PCBP3: variants seen among roughly 807,000 people sequenced by gnomAD.
PCBP3 encodes the protein poly(rC)-binding protein 3.
PCBP3 carries 25 observed loss-of-function variants against 52.7 expected under a neutral mutation model. The observed-to-expected ratio is 0.47, with a 90% confidence interval of 0.35 to 0.66. The LOEUF (loss-of-function observed/expected upper bound fraction) is 0.66. Ranked by LOEUF, PCBP3 falls within the 30% of genes least tolerant of loss-of-function variation. PCBP3 has a pLI of 0.01. For missense variants in PCBP3, 391 were observed against 490.3 expected (o/e 0.80, Z 1.91); for synonymous variants, 162 against 183.0 (o/e 0.89, Z 0.93).
At chr21:45,750,072 T>G (rs2087285135) in intron 3 of PCBP3, 1 of 152,320 alleles carries the variant, frequency 6.6e-6, no homozygotes, top group African/African-American at 2.4e-5. Context: ...TCGGGCACTC[T>G]TGGCTGGCGC....
chr21:45,807,585 A>G (rs550531416), intron 4 of PCBP3, among the ~76,000 whole-genome samples: 2 of 152,300 alleles, frequency 1.3e-5, no homozygotes, highest in South Asian at 4.1e-4. Flanking sequence ...GGAAGAATCA[A>G]TATCATGAAA....
chr21:45,730,221 T>C (rs2085352716), intron 2 of PCBP3, among the ~76,000 whole-genome samples: 1 of 152,012 alleles, frequency 6.6e-6, no homozygotes, highest in African/African-American at 2.4e-5. Flanking sequence ...TGATATGTAG[T>C]GTTTTCATTT....
intron 2 of PCBP3, among the ~76,000 whole-genome samples, chr21:45,685,085 C>T (rs892225626): frequency 8.3e-4 from 127 of 152,116 alleles, no homozygotes; most frequent in Non-Finnish European, 2.9e-4. Flanking sequence ...ACATTAGATG[C>T]AAAGACCAAA....
chr21:45,922,588 C>A (rs749847791), intron 13 of PCBP3, among the ~76,000 whole-genome samples: 3 of 152,204 alleles, frequency 2.0e-5, no homozygotes, highest in Non-Finnish European at 4.4e-5. Context: ...ATATACAAAT[C>A]TTTATTTCTA....
At chr21:45,757,458 T>G (rs1193054049) in intron 4 of PCBP3, among the ~76,000 whole-genome samples, 4 of 152,248 alleles carry the variant, frequency 2.6e-5, no homozygotes, top group Non-Finnish European at 5.9e-5. Context: ...CTATCAGTTT[T>G]CTTTCATTTA....
intron 4 of PCBP3, among the ~76,000 whole-genome samples, chr21:45,779,845 C>T (rs1419749995): frequency 6.6e-6 from 1 of 152,156 alleles, no homozygotes; most frequent in African/African-American, 2.4e-5. Context: ...AGACATTTGA[C>T]TATAACAGTA....
chr21:45,841,592 G>A (rs1226540781), intron 4 of PCBP3, among the ~76,000 whole-genome samples: 2 of 152,144 alleles, frequency 1.3e-5, no homozygotes, highest in Non-Finnish European at 2.9e-5. Flanking sequence ...TTTTCTTTGT[G>A]TCCATAGTTT....
chr21:45,931,402 G>T (rs1179759005), intron 15 of PCBP3, among the ~76,000 whole-genome samples: 1 of 152,244 alleles, frequency 6.6e-6, no homozygotes, highest in African/African-American at 2.4e-5. Flanking sequence ...GGCCAGGCAG[G>T]TGTCCTGTAA....
chr21:45,914,275 G>A lies in PCBP3; in HGVS notation c.675+250G>A, dbSNP rs1045400640. The A allele has an allele frequency of 1.2e-5, 7 of 594,324 alleles. No individual in the cohort carries two copies. The African/African-American group carries it at 1.3e-4, about 11-fold the overall frequency. The allele number at this position is 594,324 out of a possible 1,614,324, so 36.8% of individuals were successfully genotyped here. ...CTCCCTGACCCGGGCAGGAAGATCT[G>A]GCTCTGCCTAAATCCAGTTCCCAGA... On this transcript the variant is annotated intron_variant, in intron 12 of 17. Coordinates refer to ENST00000681687, the MANE Select transcript of PCBP3 (RefSeq NM_001384156.1).
intron 4 of PCBP3, among the ~76,000 whole-genome samples, chr21:45,810,429 A>ATT (rs199547949): frequency 1.2e-4 from 17 of 145,830 alleles, no homozygotes; most frequent in Admixed American, 2.1e-4. Flanking sequence ...TGCCTGGCTA[A>ATT]TTTTTTTTTT....
At chr21:45,799,491 C>A (rs532606297) in intron 4 of PCBP3, among the ~76,000 whole-genome samples, 2 of 152,278 alleles carry the variant, frequency 1.3e-5, no homozygotes, top group African/African-American at 4.8e-5. Context: ...TATCATAGGA[C>A]AGTTTATAAC....
At chr21:45,834,200 C>G (rs1257987008) in intron 4 of PCBP3, among the ~76,000 whole-genome samples, 1 of 152,332 alleles carries the variant, frequency 6.6e-6, no homozygotes, top group East Asian at 1.9e-4. Context: ...CAAGGCCAGG[C>G]CAAGCAGGCC....
chr21:45,822,047 G>T (rs2093155924), intron 4 of PCBP3, among the ~76,000 whole-genome samples: 1 of 152,172 alleles, frequency 6.6e-6, no homozygotes, highest in South Asian at 2.1e-4. Context: ...ACCTGGAACT[G>T]AGCTTGCTTC....
intron 5 of PCBP3, among the ~76,000 whole-genome samples, chr21:45,867,913 GCA>G (rs1275089959): frequency 2.0e-5 from 3 of 152,266 alleles, no homozygotes; most frequent in Admixed American, 1.3e-4. Context: ...CAGCGCCGTC[GCA>G]CACACAGCGG....
At chr21:45,762,512 CAG>C (rs1275218716) in intron 4 of PCBP3, 8 of 39,248 alleles carry the variant, frequency 2.0e-4, no homozygotes, top group Non-Finnish European at 3.7e-4. Context: ...TTTTTTGAGA[CAG>C]AGTCTCACTC....
intron 4 of PCBP3, among the ~76,000 whole-genome samples, chr21:45,831,763 T>C (rs2093456440): frequency 6.6e-6 from 1 of 152,148 alleles, no homozygotes; most frequent in African/African-American, 2.4e-5. Context: ...CAGGCTGGAG[T>C]GCAGTGGCGC....
chr21:45,650,205 G>A (rs1204672606), intron 1 of PCBP3, among the ~76,000 whole-genome samples: 1 of 152,016 alleles, frequency 6.6e-6, no homozygotes, highest in Non-Finnish European at 1.5e-5. Flanking sequence ...GGGCATGGTG[G>A]CATGCATCTG....
At chr21:45,733,388 G>A (rs1351889344) in intron 2 of PCBP3, among the ~76,000 whole-genome samples, 2 of 152,044 alleles carry the variant, frequency 1.3e-5, no homozygotes, top group Non-Finnish European at 2.9e-5. Flanking sequence ...CTGGGTTCAC[G>A]CCATTCTCCT....
chr21:45,866,828 C>T (rs2094749066), intron 5 of PCBP3, among the ~76,000 whole-genome samples: 1 of 152,210 alleles, frequency 6.6e-6, no homozygotes, highest in Non-Finnish European at 1.5e-5. Context: ...CACCCCACCC[C>T]CGTCTGCATG....
Sources: allele counts gnomAD v4.1 joint callset (sites outside exome capture counted in the v4.1 genomes callset), GRCh38; gene constraint gnomAD v4.1.1; transcripts MANE v1.5; gene names NCBI Gene and HGNC (gene_info 2026-07-23, HGNC 2026-07-21).